Variants in IL4I1 observed in about 807,000 individuals in gnomAD.
IL4I1 encodes interleukin 4 induced 1.
In IL4I1, 24 loss-of-function variants were observed where a neutral mutation model predicts 29.7. That is an observed-to-expected ratio of 0.81 (90% CI 0.59 to 1.14). IL4I1 has a LOEUF of 1.14. Ranked by LOEUF, IL4I1 falls within the 50% of genes most tolerant of loss-of-function variation. The pLI, the probability that IL4I1 is intolerant of heterozygous loss-of-function variation, is 0.00. For missense variants in IL4I1, 686 were observed against 785.6 expected (o/e 0.87, Z 1.52); for synonymous variants, 371 against 352.5 (o/e 1.05, Z -0.59).
chr19:49,918,078 C>CTTT (rs559266842), intron 2 of IL4I1, among the ~76,000 whole-genome samples: 14 of 132,622 alleles, frequency 1.1e-4, no homozygotes, highest in Admixed American at 6.8e-4. Flanking sequence ...TTTCCTTTTT[C>CTTT]TTTTTTTTTT....
chr19:49,901,878 A>G, upstream of IL4I1: 1 of 472,218 alleles, frequency 2.1e-6, no homozygotes, highest in Non-Finnish European at 3.8e-6. Flanking sequence ...ACTTTCAAAC[A>G]TCTAAAACCA....
chr19:49,889,814 G>T lies in IL4I1; in HGVS notation c.1560C>A (p.His520Gln), dbSNP rs767149871. Residue 520 changes from histidine (H) to glutamine (Q), a missense_variant, in exon 8 of 8, where the codon CAC becomes CAA. Physicochemically the swap from His to Gln is conservative, Grantham distance 24. Transcript: ENST00000391826. ...PASDTASPEG[H>Q]ASDMEGQGHV... ...GCCCCTGCCCCTCCATGTCAGATGC[G>T]TGCCCCTCGGGGCTGGCCGTGTCCG... is the stretch of plus-strand genomic sequence containing the variant. The T allele has an allele frequency of 6.4e-7, 1 of 1,551,214 alleles. No homozygotes were observed. The highest frequency in any genetic ancestry group is 1.2e-5 in the South Asian group (1 of 82,470).
upstream of IL4I1, among the ~76,000 whole-genome samples, chr19:49,901,252 C>T (rs1483161103): frequency 2.6e-5 from 4 of 152,096 alleles, no homozygotes; most frequent in Non-Finnish European, 4.4e-5. Flanking sequence ...GGCGTGGTGG[C>T]GGGCATCTGT....
At chr19:49,908,050 T>G (rs953798627) in intron 2 of IL4I1, 5 of 1,301,084 alleles carry the variant, frequency 3.8e-6, no homozygotes, top group Non-Finnish European at 5.1e-6. Flanking sequence ...GGCTGCTGCC[T>G]GGGCAGAAGG....
intron 1 of IL4I1, chr19:49,928,980 G>C (rs1156563878): frequency 6.6e-6 from 1 of 152,586 alleles, no homozygotes; most frequent in Non-Finnish European, 1.5e-5. Flanking sequence ...CAAGGAGAGG[G>C]CTGGATCCCC....
chr19:49,920,376 C>T (rs1487653801), intron 2 of IL4I1, among the ~76,000 whole-genome samples: 2 of 152,214 alleles, frequency 1.3e-5, no homozygotes, highest in South Asian at 2.1e-4. Flanking sequence ...CCACCATGCC[C>T]GGCCTAGGAG....
chr19:49,908,608 C>T (rs369727155), intron 2 of IL4I1: 2 of 1,613,974 alleles, frequency 1.2e-6, no homozygotes, highest in Non-Finnish European at 1.7e-6. Context: ...CCAGCTCCTT[C>T]TGCTGGGACA....
rs1294023818 is a variant in IL4I1 at position 49,921,533 on chromosome 19, G to GGC, written c.-228+6159_-228+6160dup. On this transcript the variant is annotated intron_variant, in intron 2 of 9. Transcript: ENST00000341114. The surrounding 1 kb of genome is among the most constrained non-coding windows in gnomAD (Gnocchi z 5.4). ...CTGAGACGCCTGCAGGGAAGAGAGG[G>GGC]GCGTCCGCTGCTCGCCAACCCCCAT... Among the ~76,000 whole-genome samples, 9 of 152,176 alleles carry GGC rather than the reference G, an allele frequency of 5.9e-5. No individual in the cohort carries two copies. The highest frequency in any genetic ancestry group is 1.7e-4 in the African/African-American group (7 of 41,432).
At chr19:49,908,876 G>T in intron 2 of IL4I1, 1 of 1,610,648 alleles carries the variant, frequency 6.2e-7, no homozygotes. Flanking sequence ...AGGTGGAGCG[G>T]TCACGGCAGC....
chr19:49,912,566 C>T (rs762077737), intron 2 of IL4I1, among the ~76,000 whole-genome samples: 35 of 152,278 alleles, frequency 2.3e-4, no homozygotes, highest in Middle Eastern at 3.4e-3. Context: ...AGCCCTGATC[C>T]ACGCAGTTTA....
chr19:49,908,778 G>C, intron 2 of IL4I1: 1 of 1,613,754 alleles, frequency 6.2e-7, no homozygotes, highest in Non-Finnish European at 8.5e-7. Context: ...TGGTCCTCTA[G>C]CTCCAGGCTC....
At position 49,894,427 on chromosome 19, in the gene IL4I1, G is replaced by C. The variant is rs1229176668; in HGVS notation, c.408C>G (p.Thr136=). The C allele has an allele frequency of 6.2e-7, 1 of 1,614,090 alleles. No individual in the cohort carries two copies. The highest frequency in any genetic ancestry group is 8.5e-7 in the Non-Finnish European group (1 of 1,180,052). The change falls in exon 5 of 8, where the codon ACC becomes ACG. Residue 136 remains threonine (T), a synonymous_variant. Coordinates refer to ENST00000391826, the MANE Select transcript of IL4I1 (RefSeq NM_152899.2). ...TGTTCTTGTCGTACTGGGTGAACTT[G>C]GTCAGGTTGAGCCCCAGGCCCTGGC... ...KLCQGLGLNL[T]KFTQYDKNTW...
chr19:49,927,345 T>C (rs2075922732), intron 2 of IL4I1, among the ~76,000 whole-genome samples: 1 of 152,072 alleles, frequency 6.6e-6, no homozygotes, highest in South Asian at 2.1e-4. Flanking sequence ...ATTGAAGAAT[T>C]GTCTTAGGCC....
intron 2 of IL4I1, among the ~76,000 whole-genome samples, chr19:49,922,501 A>G (rs555692053): frequency 1.3e-5 from 2 of 151,998 alleles, no homozygotes; most frequent in South Asian, 4.2e-4. Context: ...TGTAAAGTCC[A>G]GCACAGAGGG....
chr19:49,895,715 C>A, intron 3 of IL4I1, 100 bp downstream of exon 3: 1 of 991,512 alleles, frequency 1.0e-6, no homozygotes. Context: ...ACATCCCCAC[C>A]TCCACCCCCT....
chr19:49,914,832 CG>C (rs1220794376), intron 2 of IL4I1, among the ~76,000 whole-genome samples: 1 of 149,664 alleles, frequency 6.7e-6, no homozygotes, highest in East Asian at 2.0e-4. Context: ...CTCCGCCTCC[CG>C]GGTTCAAGCA....
intron 5 of IL4I1, among the ~76,000 whole-genome samples, chr19:49,891,992 C>T (rs1473893303): frequency 1.3e-5 from 2 of 152,070 alleles, no homozygotes; most frequent in Admixed American, 6.6e-5. Context: ...CTGCCCACAG[C>T]CCTCCTGTAG....
intron 2 of IL4I1, among the ~76,000 whole-genome samples, chr19:49,917,105 C>T (rs558152300): frequency 4.3e-4 from 66 of 152,264 alleles, no homozygotes; most frequent in African/African-American, 1.4e-3. Flanking sequence ...GAAGTATGAC[C>T]GGTGGAACCA....
intron 5 of IL4I1, among the ~76,000 whole-genome samples, chr19:49,893,613 C>G (rs1025594110): frequency 2.6e-5 from 4 of 151,896 alleles, no homozygotes; most frequent in Non-Finnish European, 5.9e-5. Flanking sequence ...GGGAGGTTAT[C>G]CAGGACAGTG....
Sources: allele counts gnomAD v4.1 joint callset (sites outside exome capture counted in the v4.1 genomes callset), GRCh38; gene constraint gnomAD v4.1.1; non-coding constraint Gnocchi (gnomAD v3.1); transcripts MANE v1.5; gene names NCBI Gene and HGNC (gene_info 2026-07-23, HGNC 2026-07-21).